The following SEZ6L variants were observed in gnomAD, a reference collection of about 807,000 sequenced individuals.
SEZ6L encodes the protein seizure related 6 homolog like.
A neutral mutation model predicts 106.2 loss-of-function variants in SEZ6L; 37 were observed. The ratio of observed to expected loss-of-function variants is 0.35; its 90% CI spans 0.27 to 0.46. SEZ6L has a LOEUF of 0.46. Ranked by LOEUF, SEZ6L falls within the 20% of genes least tolerant of loss-of-function variation. The probability of loss-of-function intolerance (pLI) is 1.00; values close to 1 mark genes in which losing one functional copy is unlikely to be tolerated. For missense variants in SEZ6L, 1,172 were observed against 1,332.8 expected (o/e 0.88, Z 1.88); for synonymous variants, 541 against 570.4 (o/e 0.95, Z 0.73).
chr22:26,229,869 C>G (rs938746664), intron 1 of SEZ6L, among the ~76,000 whole-genome samples: 1 of 152,220 alleles, frequency 6.6e-6, no homozygotes, highest in Non-Finnish European at 1.5e-5. Flanking sequence ...CAAATGCCCC[C>G]TGCTCTGCCA....
Position 26,306,003 on chromosome 22 carries a change from A to C in SEZ6L, c.1373A>C (p.Asn458Thr). 6.2e-7 allele frequency: 1 copy of C among 1,613,742 alleles called. No homozygotes were observed. The highest frequency in any genetic ancestry group is 8.5e-7 in the Non-Finnish European group (1 of 1,179,830). ...GCTCCTTGTGGAGGGGCAGTGCACAATGCCACCATCGGCCGCGTCCTCTCC... is the reference window on the plus strand; with the variant it reads ...GCTCCTTGTGGAGGGGCAGTGCACACTGCCACCATCGGCCGCGTCCTCTCC... Reference protein sequence around the residue: ...CSAPCGGAVHNATIGRVLSPS... With the variant: ...CSAPCGGAVHTATIGRVLSPS... Residue 458 changes from asparagine (N) to threonine (T), a missense_variant, in exon 6 of 17, where the codon AAT becomes ACT. By Grantham distance (65) the Asn-to-Thr change is moderately conservative. This residue lies in a region of SEZ6L where 534 missense variants were observed against 691.0 expected (regional missense o/e 0.77). Transcript: ENST00000248933.
chr22:26,356,024 A>G (rs879704306), intron 12 of SEZ6L, among the ~76,000 whole-genome samples: 4 of 152,212 alleles, frequency 2.6e-5, no homozygotes, highest in Non-Finnish European at 5.9e-5. Flanking sequence ...GAAAGAAAAT[A>G]ATACCCTTTA....
chr22:26,222,922 G>T (rs1394182586), intron 1 of SEZ6L, among the ~76,000 whole-genome samples: 3 of 151,910 alleles, frequency 2.0e-5, no homozygotes, highest in Admixed American at 2.0e-4. Context: ...TTTGCTACCG[G>T]CATCTACTGT....
At chr22:26,317,246 A>G (rs1233845947) in intron 9 of SEZ6L, among the ~76,000 whole-genome samples, 1 of 152,152 alleles carries the variant, frequency 6.6e-6, no homozygotes, top group Non-Finnish European at 1.5e-5. Context: ...GTCCTTGTCC[A>G]TAAAAATAAA....
chr22:26,362,849 C>T (rs1440935319), intron 12 of SEZ6L, among the ~76,000 whole-genome samples: 1 of 152,184 alleles, frequency 6.6e-6, no homozygotes, highest in Non-Finnish European at 1.5e-5. Context: ...AAGGAAAACC[C>T]TTCAACCTCA....
chr22:26,372,818 A>G (rs1441881686), intron 13 of SEZ6L, among the ~76,000 whole-genome samples: 1 of 152,260 alleles, frequency 6.6e-6, no homozygotes. Flanking sequence ...AAGCCTCATC[A>G]ATATAAAAGG....
chr22:26,366,514 T>C (rs1254828744), intron 13 of SEZ6L, among the ~76,000 whole-genome samples: 2 of 151,740 alleles, frequency 1.3e-5, no homozygotes, highest in Non-Finnish European at 2.9e-5. Flanking sequence ...GGTAACATGG[T>C]GAAACTGTCT....
chr22:26,327,032 C>T (rs2082326866), intron 9 of SEZ6L, among the ~76,000 whole-genome samples: 1 of 152,124 alleles, frequency 6.6e-6, no homozygotes, highest in South Asian at 2.1e-4. Context: ...CCAGGGCTTT[C>T]GCCAGGGGAG....
chr22:26,257,047 T>C (rs1352176580), intron 1 of SEZ6L, among the ~76,000 whole-genome samples: 1 of 152,180 alleles, frequency 6.6e-6, no homozygotes, highest in African/African-American at 2.4e-5. Context: ...CATACGGAAA[T>C]GTCTGGAGAT....
At chr22:26,226,712 C>A (rs1276678580) in intron 1 of SEZ6L, among the ~76,000 whole-genome samples, 1 of 152,184 alleles carries the variant, frequency 6.6e-6, no homozygotes, top group Non-Finnish European at 1.5e-5. Flanking sequence ...GAATTTCCAG[C>A]CTTCCTTGCA....
At chr22:26,186,786 C>T (rs1029737227) in intron 1 of SEZ6L, among the ~76,000 whole-genome samples, 1 of 152,134 alleles carries the variant, frequency 6.6e-6, no homozygotes, top group Admixed American at 6.5e-5. Context: ...TTTGATCAAG[C>T]AGAGAATCAT....
rs35749592 is a variant in SEZ6L at position 26,383,069 on chromosome 22, C to CTTTTTTTTTTTTTT, written c.*2779_*2792dup. On this transcript the variant is annotated 3_prime_UTR_variant, in exon 17 of 17. Coordinates refer to ENST00000248933, the MANE Select transcript of SEZ6L (RefSeq NM_021115.5). ...CTTTAGCTTGGAGCTCAGCTTTTTG[C>CTTTTTTTTTTTTTT]TTTTTTTTTTTTTTTTTTGTAGAAT... 8.4e-6 allele frequency: 1 copy of CTTTTTTTTTTTTTT among 119,662 alleles called. No individual in the cohort carries two copies. Among genetic ancestry groups the CTTTTTTTTTTTTTT allele is most frequent in the Admixed American group, 9.0e-5 (1 of 11,068 alleles). 7.4% of individuals were successfully genotyped at this position (119,662 alleles called of 1,614,324 possible).
intron 13 of SEZ6L, among the ~76,000 whole-genome samples, chr22:26,369,840 C>T (rs1230836115): frequency 6.6e-6 from 1 of 151,442 alleles, no homozygotes; most frequent in African/African-American, 2.4e-5. Flanking sequence ...TGGTCTTGAA[C>T]TCCTGGGCTC....
At chr22:26,345,209 TCCCTGGGGTACAGG>T (rs1234265767) in intron 10 of SEZ6L, among the ~76,000 whole-genome samples, 3 of 152,176 alleles carry the variant, frequency 2.0e-5, no homozygotes, top group African/African-American at 7.2e-5. Flanking sequence ...TGAATCAGGG[TCCCTGGGGTACAGG>T]CCCTGGGATC....
intron 1 of SEZ6L, among the ~76,000 whole-genome samples, chr22:26,242,249 C>T (rs1232178891): frequency 1.3e-5 from 2 of 152,244 alleles, no homozygotes; most frequent in African/African-American, 4.8e-5. Context: ...TAAATGCTTC[C>T]TAACACAACC....
intron 9 of SEZ6L, among the ~76,000 whole-genome samples, chr22:26,316,892 G>GAAAGAAGAAAAGAAAGAA (rs1229794374): frequency 9.6e-6 from 1 of 103,676 alleles, no homozygotes; most frequent in African/African-American, 3.7e-5. Flanking sequence ...AAGAAAGAAA[G>GAAAGAAGAAAAGAAAGAA]AGAAAGAAAG....
At chr22:26,315,603 C>T (rs1455734555) in intron 9 of SEZ6L, among the ~76,000 whole-genome samples, 2 of 151,874 alleles carry the variant, frequency 1.3e-5, no homozygotes, top group Non-Finnish European at 2.9e-5. Context: ...AGAAAGAATT[C>T]CACCTCCTTC....
chr22:26,243,410 CT>C (rs903471456), intron 1 of SEZ6L, among the ~76,000 whole-genome samples: 8 of 152,272 alleles, frequency 5.3e-5, no homozygotes, highest in African/African-American at 1.9e-4. Context: ...GCAGAGAGAG[CT>C]GAGTGAATGA....
chr22:26,315,633 G>T (rs183570836), intron 9 of SEZ6L, among the ~76,000 whole-genome samples: 2 of 152,094 alleles, frequency 1.3e-5, no homozygotes, highest in East Asian at 1.9e-4. Flanking sequence ...TTTGGGCTGG[G>T]CTCACCTGTT....
Sources: allele counts gnomAD v4.1 joint callset (sites outside exome capture counted in the v4.1 genomes callset), GRCh38; gene constraint gnomAD v4.1.1; regional missense constraint gnomAD v4.1.1; transcripts MANE v1.5; gene names NCBI Gene and HGNC (gene_info 2026-07-23, HGNC 2026-07-21).